DSCAM: variants seen among roughly 807,000 people sequenced by gnomAD.
The protein encoded by DSCAM is cell adhesion molecule DSCAM.
Under a neutral mutation model 217.7 loss-of-function variants are expected in DSCAM, and 47 were observed. The observed-to-expected ratio is 0.22, with a 90% CI of 0.17 to 0.28. The LOEUF (loss-of-function observed/expected upper bound fraction) is 0.28. Ranked by LOEUF, DSCAM falls within the 10% of genes least tolerant of loss-of-function variation. DSCAM has a pLI of 1.00. For synonymous variants in DSCAM, 1,056 were observed against 1,015.3 expected (o/e 1.04, Z -0.76); for missense variants, 2,080 against 2,618.3 (o/e 0.79, Z 4.49).
At chr21:40,639,607 T>C (rs2089852429) in intron 3 of DSCAM, among the ~76,000 whole-genome samples, 1 of 152,168 alleles carries the variant, frequency 6.6e-6, no homozygotes, top group Non-Finnish European at 1.5e-5. Flanking sequence ...ATGGTATCTA[T>C]TTTAGAGTGA....
intron 3 of DSCAM, among the ~76,000 whole-genome samples, chr21:40,556,150 A>G: frequency 6.6e-6 from 1 of 152,342 alleles, no homozygotes; most frequent in Non-Finnish European, 1.5e-5. Context: ...GAGGAAAGAC[A>G]CGTCTAATAA....
intron 16 of DSCAM, among the ~76,000 whole-genome samples, chr21:40,149,615 A>G (rs2090401359): frequency 6.9e-6 from 1 of 145,350 alleles, no homozygotes; most frequent in Non-Finnish European, 1.5e-5. Context: ...CCATCGCTCC[A>G]TCACTATCCC....
chr21:40,546,925 G>T (rs915507153), intron 3 of DSCAM, among the ~76,000 whole-genome samples: 4 of 152,130 alleles, frequency 2.6e-5, no homozygotes, highest in African/African-American at 9.7e-5. Flanking sequence ...TGGGGTGGGA[G>T]CCTGGAGGAT....
chr21:40,035,160 A>G (rs1336223300), intron 32 of DSCAM, among the ~76,000 whole-genome samples: 32 of 100,510 alleles, frequency 3.2e-4, no homozygotes, highest in Middle Eastern at 4.8e-3. Flanking sequence ...ATACACACAT[A>G]ACAATATTAA....
intron 3 of DSCAM, among the ~76,000 whole-genome samples, chr21:40,556,158 T>C (rs1310773698): frequency 2.0e-5 from 3 of 152,208 alleles, no homozygotes; most frequent in Admixed American, 6.5e-5. Flanking sequence ...ACACGTCTAA[T>C]AATGTTTATA....
rs139527369 is a variant in DSCAM at position 40,136,585 on chromosome 21, G to A, written c.3407-2576C>T. On this transcript the variant is annotated intron_variant, in intron 18 of 32. Transcript: ENST00000400454. ...AACTTCACTGTCAAAGATCACACAC[G>A]TACCTCCCTACAGATATATACACAC... Among the ~76,000 whole-genome samples the A allele has an allele frequency of 3.4e-4, 51 of 152,208 alleles. No homozygotes were observed. In the East Asian group the frequency reaches 7.3e-3, roughly 22 times the overall value.
At chr21:40,529,026 C>A (rs2076422572) in intron 3 of DSCAM, among the ~76,000 whole-genome samples, 1 of 151,370 alleles carries the variant, frequency 6.6e-6, no homozygotes. Flanking sequence ...GCCTCAGCCT[C>A]CTGAGTAGCT....
chr21:40,648,285 A>ACACACACACT (rs1555876127), intron 3 of DSCAM, among the ~76,000 whole-genome samples: 1 of 147,542 alleles, frequency 6.8e-6, no homozygotes. Flanking sequence ...ACACACACTC[A>ACACACACACT]CACACTGCTC....
At chr21:40,518,285 C>T (rs1251952592) in intron 3 of DSCAM, among the ~76,000 whole-genome samples, 4 of 122,642 alleles carry the variant, frequency 3.3e-5, no homozygotes, top group Admixed American at 3.2e-4. Flanking sequence ...GCCCAGTCAT[C>T]TGCTGACATG....
In DSCAM at chr21:40,104,765, T is replaced by C. The variant is rs1327626624; in HGVS notation, c.3697-10891A>G. ...ACAAATGCACCACTTTATTGGGGGA[T>C]GTCGATAGTGGGGGAGGCTGTGCAG... On this transcript the variant is annotated intron_variant, in intron 20 of 32. Transcript: ENST00000400454. Among the ~76,000 whole-genome samples the C allele has an allele frequency of 2.6e-5, 4 of 152,228 alleles. No homozygotes were observed. The East Asian group carries it at 5.8e-4, about 22-fold the overall frequency.
At chr21:40,837,945 A>C (rs1162632952) in intron 1 of DSCAM, among the ~76,000 whole-genome samples, 2 of 152,210 alleles carry the variant, frequency 1.3e-5, no homozygotes, top group African/African-American at 2.4e-5. Context: ...CATGGCAATT[A>C]AGCAGACTGG....
At chr21:40,768,779 AAGTT>A (rs1329234884) in intron 1 of DSCAM, among the ~76,000 whole-genome samples, 3 of 152,210 alleles carry the variant, frequency 2.0e-5, no homozygotes, top group Admixed American at 6.5e-5. Flanking sequence ...ATTGTAGTGA[AAGTT>A]AGAAACAAAA....
chr21:40,446,874 T>G (rs1191690456), intron 3 of DSCAM, among the ~76,000 whole-genome samples: 1 of 152,138 alleles, frequency 6.6e-6, no homozygotes, highest in Non-Finnish European at 1.5e-5. Context: ...GTTGGGGAAA[T>G]ACTAATGACA....
intron 1 of DSCAM, among the ~76,000 whole-genome samples, chr21:40,753,558 T>C (rs2146567287): frequency 6.6e-6 from 1 of 152,314 alleles, no homozygotes. Flanking sequence ...TGGTAACAAA[T>C]AGACTAATCC....
intron 3 of DSCAM, among the ~76,000 whole-genome samples, chr21:40,688,474 C>T (rs868276190): frequency 9.2e-5 from 14 of 152,310 alleles, no homozygotes; most frequent in Admixed American, 4.6e-4. Flanking sequence ...TATATTTTTA[C>T]TGGGCTACAT....
chr21:40,381,577 C>T (rs1210485487), intron 3 of DSCAM, among the ~76,000 whole-genome samples: 1 of 152,188 alleles, frequency 6.6e-6, no homozygotes, highest in Non-Finnish European at 1.5e-5. Flanking sequence ...TCTGTGTTAG[C>T]AACCCAAAAG....
At chr21:40,525,156 C>T (rs976757705) in intron 3 of DSCAM, among the ~76,000 whole-genome samples, 4 of 152,030 alleles carry the variant, frequency 2.6e-5, no homozygotes, top group African/African-American at 7.2e-5. Flanking sequence ...TCTGTTCATA[C>T]TACTTGTGTT....
At chr21:40,522,558 A>G (rs1483855608) in intron 3 of DSCAM, among the ~76,000 whole-genome samples, 1 of 152,182 alleles carries the variant, frequency 6.6e-6, no homozygotes, top group African/African-American at 2.4e-5. Context: ...CCTCAGTTTC[A>G]AAAGTGGAGA....
At chr21:40,368,401 A>G (rs2074856910) in intron 4 of DSCAM, among the ~76,000 whole-genome samples, 1 of 152,228 alleles carries the variant, frequency 6.6e-6, no homozygotes, top group Non-Finnish European at 1.5e-5. Context: ...AAGAACAGAT[A>G]AAGAAACAAA....
Sources: gnomAD v4.1 joint callset for allele counts (sites outside exome capture counted in the v4.1 genomes callset) on GRCh38, gnomAD v4.1.1 for gene constraint, MANE v1.5 for transcripts, NCBI Gene and HGNC (gene_info 2026-07-23, HGNC 2026-07-21) for gene names.